PRND: variants seen among roughly 807,000 people sequenced by gnomAD.
PRND encodes the protein prion like protein doppel.
For missense variants in PRND, 227 were observed against 223.3 expected (o/e 1.02, Z -0.11); for synonymous variants, 94 against 93.2 (o/e 1.01, Z -0.05).
rs992007695 is a variant in PRND at position 4,727,439 on chromosome 20, G to A, written c.*2357G>A. On this transcript the variant is annotated 3_prime_UTR_variant, in exon 2 of 2. Coordinates refer to ENST00000305817, the MANE Select transcript of PRND (RefSeq NM_012409.4). ...TTTTCACTTTAGCAAAGGGGCAATG[G>A]GGTGCCTACTATGTGCGAGACATTG... 39 of 167,082 alleles carry A rather than the reference G, an allele frequency of 2.3e-4. No individual in the cohort carries two copies. Among genetic ancestry groups the A allele is most frequent in the African/African-American group, 2.9e-4 (12 of 41,446 alleles). 10.3% of individuals were successfully genotyped at this position (167,082 alleles called of 1,614,324 possible).
intron 1 of PRND, among the ~76,000 whole-genome samples, chr20:4,723,221 T>C (rs1039966622): frequency 4.9e-4 from 74 of 152,334 alleles, no homozygotes; most frequent in African/African-American, 1.8e-3. Context: ...AGTGCAGGTC[T>C]GCCACCTCCC....
In PRND at chr20:4,725,156, A is replaced by C; in HGVS notation, c.*74A>C. Reference sequence around the variant, plus strand: ...GCAAGTGACCCAGCTCTTCTCCCCCAAACCCACGCGTGTTCTGAAGGTGCC... The same window carrying C: ...GCAAGTGACCCAGCTCTTCTCCCCCCAACCCACGCGTGTTCTGAAGGTGCC... On this transcript the variant is annotated 3_prime_UTR_variant, in exon 2 of 2. Coordinates refer to ENST00000305817, the MANE Select transcript of PRND (RefSeq NM_012409.4). The C allele has an allele frequency of 6.5e-7, 1 of 1,545,500 alleles. No individual in the cohort carries two copies. Among genetic ancestry groups the C allele is most frequent in the Non-Finnish European group, 8.8e-7 (1 of 1,142,400 alleles).
intron 1 of PRND, among the ~76,000 whole-genome samples, chr20:4,723,302 T>C (rs1319073202): frequency 5.9e-5 from 9 of 152,174 alleles, no homozygotes; most frequent in Non-Finnish European, 2.9e-5. Flanking sequence ...ATGGGGATAA[T>C]AATGTACCTA....
Position 4,724,516 on chromosome 20 carries a change from T to G in PRND, c.-11-25T>G. 1 of 1,613,366 alleles carries G rather than the reference T, an allele frequency of 6.2e-7. No homozygotes were observed. Among genetic ancestry groups the G allele is most frequent in the South Asian group, 1.1e-5 (1 of 91,048 alleles). Reference sequence around the variant, plus strand: ...AGCCCAGGCAGGCCTGGTGGGGAGCTGACCCACCGCCGTTTCTCTGGCAGG... The same window carrying G: ...AGCCCAGGCAGGCCTGGTGGGGAGCGGACCCACCGCCGTTTCTCTGGCAGG... On this transcript the variant is annotated intron_variant, in intron 1 of 1. Coordinates refer to ENST00000305817, the MANE Select transcript of PRND (RefSeq NM_012409.4). This position sits in a 1 kb window ranked among gnomAD's most constrained non-coding sequence, Gnocchi z 4.8.
chr20:4,722,181 G>C (rs1923123359), intron 1 of PRND, among the ~76,000 whole-genome samples: 1 of 151,946 alleles, frequency 6.6e-6, no homozygotes, highest in Non-Finnish European at 1.5e-5. Context: ...TTGTGGGTTG[G>C]GATTTTGTTT....
Position 4,727,833 on chromosome 20 carries a change from TG to T in PRND, c.*2753del. On this transcript the variant is annotated 3_prime_UTR_variant, in exon 2 of 2. Coordinates refer to ENST00000305817, the MANE Select transcript of PRND (RefSeq NM_012409.4). ...CAGAGTCTCATTCTGTTGCCCAGGC[TG>T]GAGTGCAGTGGCGTGATCTTGGCTC... 1 of 163,138 alleles carries T rather than the reference TG, an allele frequency of 6.1e-6. No individual in the cohort carries two copies. The allele number at this position is 163,138 out of a possible 1,614,324, so 10.1% of individuals were successfully genotyped here. A position where few individuals can be genotyped will look rare whatever the true frequency, so the allele number is the denominator to read the frequency against.
rs1923251151 is a variant in PRND at position 4,725,913 on chromosome 20, T to A, written c.*831T>A. 1 of 164,330 alleles carries A rather than the reference T, an allele frequency of 6.1e-6. No homozygotes were observed. Among genetic ancestry groups the A allele is most frequent in the Non-Finnish European group, 1.5e-5 (1 of 67,868 alleles). The allele number at this position is 164,330 out of a possible 1,614,324, so 10.2% of individuals were successfully genotyped here. A position where few individuals can be genotyped will look rare whatever the true frequency, so the allele number is the denominator to read the frequency against. On this transcript the variant is annotated 3_prime_UTR_variant, in exon 2 of 2. Coordinates refer to ENST00000305817, the MANE Select transcript of PRND (RefSeq NM_012409.4). ...TTTACTCTTGTTGCCCAGGCTGGAG[T>A]GCAACGGCATGATTTTGGCTCACTG...
chr20:4,728,455 A>G lies in PRND; in HGVS notation c.*3373A>G, dbSNP rs1209042231. 1 of 167,054 alleles carries G rather than the reference A, an allele frequency of 6.0e-6. No individual in the cohort carries two copies. The highest frequency in any genetic ancestry group is 1.5e-5 in the Non-Finnish European group (1 of 68,134). The allele number at this position is 167,054 out of a possible 1,614,324, so 10.3% of individuals were successfully genotyped here. ...CTGCAAACAATAAACATCCTTGTACATACTACATTGCAGTCTGGTACTTCT... is the reference window on the plus strand; with the variant it reads ...CTGCAAACAATAAACATCCTTGTACGTACTACATTGCAGTCTGGTACTTCT... On this transcript the variant is annotated 3_prime_UTR_variant, in exon 2 of 2. Coordinates refer to ENST00000305817, the MANE Select transcript of PRND (RefSeq NM_012409.4).
chr20:4,724,019 T>C lies in PRND; in HGVS notation c.-11-522T>C, dbSNP rs1167584481. On this transcript the variant is annotated intron_variant, in intron 1 of 1. Coordinates refer to ENST00000305817, the MANE Select transcript of PRND (RefSeq NM_012409.4). This position sits in a 1 kb window ranked among gnomAD's most constrained non-coding sequence, Gnocchi z 4.8. ...ATATACGTATATATATATGTGTGTA[T>C]ATATACATATATGTGTGTATATATG... 6.8e-6 allele frequency among the ~76,000 whole-genome samples: 1 copy of C among 146,656 alleles called. No homozygotes were observed. Among genetic ancestry groups the C allele is most frequent in the African/African-American group, 2.6e-5 (1 of 38,560 alleles).
chr20:4,725,099 G>A lies in PRND; in HGVS notation c.*17G>A. 3.1e-6 allele frequency: 5 copies of A among 1,609,882 alleles called. No individual in the cohort carries two copies. Among genetic ancestry groups the A allele is most frequent in the Non-Finnish European group, 3.4e-6 (4 of 1,178,406 alleles). On this transcript the variant is annotated 3_prime_UTR_variant, in exon 2 of 2. Transcript: ENST00000305817. ...GTGAAATAAGCTTGCCAGGAGGCTGGCAGTACAGAGTGCAGCAGCGAGCAA... is the reference window on the plus strand; with the variant it reads ...GTGAAATAAGCTTGCCAGGAGGCTGACAGTACAGAGTGCAGCAGCGAGCAA...
rs1923288810 is a variant in PRND at position 4,726,949 on chromosome 20, G to A, written c.*1867G>A. ...GACTGGGGTTCACGTCACTGCCAGA[G>A]CTACACTCGCCTTCTGCTTCCACGG... On this transcript the variant is annotated 3_prime_UTR_variant, in exon 2 of 2. Coordinates refer to ENST00000305817, the MANE Select transcript of PRND (RefSeq NM_012409.4). 1 of 167,116 alleles carries A rather than the reference G, an allele frequency of 6.0e-6. No individual in the cohort carries two copies. The highest frequency in any genetic ancestry group is 1.5e-5 in the Non-Finnish European group (1 of 68,176). The allele number at this position is 167,116 out of a possible 1,614,324, so 10.4% of individuals were successfully genotyped here.
intron 1 of PRND, among the ~76,000 whole-genome samples, chr20:4,723,594 G>A (rs1175204156): frequency 2.0e-5 from 3 of 152,200 alleles, no homozygotes; most frequent in Non-Finnish European, 4.4e-5. Context: ...CAGAATGGAT[G>A]GCAGAATGCC....
intron 1 of PRND, among the ~76,000 whole-genome samples, chr20:4,723,196 CATTAGACAG>C (rs1354823833): frequency 6.6e-6 from 1 of 152,216 alleles, no homozygotes; most frequent in Non-Finnish European, 1.5e-5. Context: ...TGCAGTGCAG[CATTAGACAG>C]AGCCCAGTGC....
chr20:4,724,880 A>C lies in PRND; in HGVS notation c.329A>C (p.Asn110Thr), dbSNP rs566436087. The C allele has an allele frequency of 1.2e-6, 2 of 1,614,212 alleles. No homozygotes were observed. Among genetic ancestry groups the C allele is most frequent in the Non-Finnish European group, 1.7e-6 (2 of 1,180,048 alleles). ...GAGGCATTTGTCACCGGCTGCATCA[A>C]TGCCACCCAGGCGGCGAACCAGGGG... ...TKEAFVTGCI[N>T]ATQAANQGEF... The change falls in exon 2 of 2, where the codon AAT becomes ACT. Residue 110 changes from asparagine (N) to threonine (T), a missense_variant. Transcript: ENST00000305817. The surrounding 1 kb of genome is among the most constrained non-coding windows in gnomAD (Gnocchi z 4.8).
At chr20:4,723,672 G>A (rs753323265) in intron 1 of PRND, among the ~76,000 whole-genome samples, 3 of 152,160 alleles carry the variant, frequency 2.0e-5, no homozygotes, top group Admixed American at 1.3e-4. Flanking sequence ...ATCTAAAGTC[G>A]GCACAGTGGC....
rs1265718598 is a variant in PRND, at chr20:4,726,360, T to C, written c.*1278T>C. 1.8e-5 allele frequency: 3 copies of C among 166,998 alleles called. No homozygotes were observed. Among genetic ancestry groups the C allele is most frequent in the African/African-American group, 7.2e-5 (3 of 41,410 alleles). 10.3% of individuals were successfully genotyped at this position (166,998 alleles called of 1,614,324 possible). Reference sequence around the variant, plus strand: ...TCTCATTTCTTTCAAGACAGCCTAATGAAGGCCATCATCTCTGTAAACCAC... The same window carrying C: ...TCTCATTTCTTTCAAGACAGCCTAACGAAGGCCATCATCTCTGTAAACCAC... On this transcript the variant is annotated 3_prime_UTR_variant, in exon 2 of 2. Coordinates refer to ENST00000305817, the MANE Select transcript of PRND (RefSeq NM_012409.4).
rs4815731 is a variant in PRND at position 4,726,466 on chromosome 20, G to A, written c.*1384G>A. On this transcript the variant is annotated 3_prime_UTR_variant, in exon 2 of 2. Transcript: ENST00000305817. The stretch of plus-strand genomic sequence containing the variant: ...TCTTTAGGGAGACCCAATAAAGAAT[G>A]CAATCCATGCCATAAGCAGGAGTTG... 1 of 166,802 alleles carries A rather than the reference G, an allele frequency of 6.0e-6. No homozygotes were observed. Among genetic ancestry groups the A allele is most frequent in the Non-Finnish European group, 1.5e-5 (1 of 68,064 alleles). 10.3% of individuals were successfully genotyped at this position (166,802 alleles called of 1,614,324 possible).
Position 4,725,229 on chromosome 20 carries a change from G to A in PRND, c.*147G>A, listed in dbSNP as rs1359431132. ...CTGCAAATGCCGCTCTCACGTATGC[G>A]CCCTGGTATGTGCCTGCGTTCTGAT... On this transcript the variant is annotated 3_prime_UTR_variant, in exon 2 of 2. Coordinates refer to ENST00000305817, the MANE Select transcript of PRND (RefSeq NM_012409.4). 8.3e-6 allele frequency: 8 copies of A among 961,240 alleles called. No homozygotes were observed. The highest frequency in any genetic ancestry group is 2.6e-5 in the East Asian group (1 of 37,946). 59.5% of individuals were successfully genotyped at this position (961,240 alleles called of 1,614,324 possible). A position where few individuals can be genotyped will look rare whatever the true frequency, so the allele number is the denominator to read the frequency against.
chr20:4,722,748 G>T (rs1228969673), intron 1 of PRND, among the ~76,000 whole-genome samples: 1 of 152,134 alleles, frequency 6.6e-6, no homozygotes, highest in East Asian at 1.9e-4. Context: ...CTCACAGTAA[G>T]TCTTTGCCTA....
Sources: gnomAD v4.1 joint callset for allele counts (sites outside exome capture counted in the v4.1 genomes callset) on GRCh38, gnomAD v4.1.1 for gene constraint, Gnocchi (gnomAD v3.1) non-coding constraint, MANE v1.5 for transcripts, NCBI Gene and HGNC (gene_info 2026-07-23, HGNC 2026-07-21) for gene names.